The following GRID1 variants were observed in gnomAD, a reference collection of about 807,000 sequenced individuals.
The protein encoded by GRID1 is glutamate receptor ionotropic, delta-1.
Under a neutral mutation model 98.0 loss-of-function variants are expected in GRID1, and 28 were observed. That is an observed-to-expected ratio of 0.29 (90% CI 0.21 to 0.39). GRID1 has a LOEUF of 0.39. Ranked by LOEUF, GRID1 falls within the 10% of genes least tolerant of loss-of-function variation. The probability of loss-of-function intolerance (pLI) is 1.00; values close to 1 mark genes in which losing one functional copy is unlikely to be tolerated. For synonymous variants in GRID1, 553 were observed against 538.5 expected (o/e 1.03, Z -0.37); for missense variants, 1,111 against 1,340.5 (o/e 0.83, Z 2.67).
chr10:85,711,658 A>G (rs1841583090), intron 12 of GRID1, among the ~76,000 whole-genome samples: 1 of 151,882 alleles, frequency 6.6e-6, no homozygotes, highest in Non-Finnish European at 1.5e-5. Flanking sequence ...AAAAATTTAA[A>G]TCAGAATAAA....
chr10:86,362,526 CT>C (rs1382629304), intron 2 of GRID1, among the ~76,000 whole-genome samples: 8 of 152,190 alleles, frequency 5.3e-5, no homozygotes, highest in African/African-American at 1.4e-4. Context: ...CTCACCCCCC[CT>C]AAAAGAAAAC....
rs73338994 is a variant in GRID1, at chr10:85,627,823, C to T, written c.2194-7790G>A. Among the ~76,000 whole-genome samples, 1,100 of 152,308 alleles carry T rather than the reference C, an allele frequency of 7.2e-3. 19 individuals carry two copies. The highest frequency in any genetic ancestry group is 0.025 in the African/African-American group (1,038 of 41,568). ...CCTGGTACAGCATGAGGGCTCAACG[C>T]GAGTTCCGTTTCCTGCTCCTTCCTT... is the stretch of plus-strand genomic sequence containing the variant. On this transcript the variant is annotated intron_variant, in intron 13 of 15. Coordinates refer to ENST00000327946, the MANE Select transcript of GRID1 (RefSeq NM_017551.3).
Position 86,016,337 on chromosome 10 carries a change from G to A in GRID1, c.727-100098C>T, listed in dbSNP as rs926108610. Among the ~76,000 whole-genome samples the A allele has an allele frequency of 4.6e-5, 7 of 151,824 alleles. No individual in the cohort carries two copies. The South Asian group carries it at 8.4e-4, about 18-fold the overall frequency. On this transcript the variant is annotated intron_variant, in intron 4 of 15. Transcript: ENST00000327946. ...AATTTTTTGTATTTTTAGTAGAGACGGGGTTTCACCGTGTTAGCCAGGATG... is the reference window on the plus strand; with the variant it reads ...AATTTTTTGTATTTTTAGTAGAGACAGGGTTTCACCGTGTTAGCCAGGATG...
chr10:86,302,955 G>A (rs183645641), intron 2 of GRID1, among the ~76,000 whole-genome samples: 5 of 152,320 alleles, frequency 3.3e-5, no homozygotes, highest in East Asian at 3.9e-4. Context: ...ACAAACACTC[G>A]TCTAAATAGG....
At chr10:86,167,851 T>C (rs925409169) in intron 3 of GRID1, among the ~76,000 whole-genome samples, 3 of 151,708 alleles carry the variant, frequency 2.0e-5, no homozygotes, top group Non-Finnish European at 2.9e-5. Context: ...GAGACATCTG[T>C]GAGAAGAAGA....
chr10:85,675,228 A>G (rs1405127526), intron 12 of GRID1, among the ~76,000 whole-genome samples: 1 of 152,198 alleles, frequency 6.6e-6, no homozygotes, highest in Non-Finnish European at 1.5e-5. Context: ...CACACACGTG[A>G]GCTATGCAGC....
At chr10:86,188,432 T>C (rs1845755003) in intron 3 of GRID1, among the ~76,000 whole-genome samples, 1 of 152,156 alleles carries the variant, frequency 6.6e-6, no homozygotes, top group South Asian at 2.1e-4. Context: ...GCTAGGCCTG[T>C]CCTGTCCATA....
intron 4 of GRID1, among the ~76,000 whole-genome samples, chr10:86,039,429 C>T (rs1251253926): frequency 1.3e-5 from 2 of 152,228 alleles, no homozygotes; most frequent in Admixed American, 1.3e-4. Flanking sequence ...GGACCACTTG[C>T]TCCCTTTCCC....
intron 15 of GRID1, among the ~76,000 whole-genome samples, chr10:85,609,909 C>T (rs1289552319): frequency 6.6e-6 from 1 of 152,206 alleles, no homozygotes; most frequent in African/African-American, 2.4e-5. Context: ...TTGGTGCATT[C>T]ACCTGCATTG....
chr10:86,117,037 TCAC>T (rs1057474613), intron 4 of GRID1, among the ~76,000 whole-genome samples: 3 of 148,156 alleles, frequency 2.0e-5, no homozygotes, highest in African/African-American at 5.0e-5. Flanking sequence ...ACCATCACCA[TCAC>T]CACCATCACC....
At position 86,036,387 on chromosome 10, in the gene GRID1, C is replaced by A. The variant is rs536498867; in HGVS notation, c.726+102432G>T. On this transcript the variant is annotated intron_variant, in intron 4 of 15. Transcript: ENST00000327946. Reference sequence around the variant, plus strand: ...TGACAAAATCGAGCTTTGAGGCTATCAGTCCAAATGCCCAACCCTGCACCC... The same window carrying A: ...TGACAAAATCGAGCTTTGAGGCTATAAGTCCAAATGCCCAACCCTGCACCC... Among the ~76,000 whole-genome samples, 201 of 152,298 alleles carry A rather than the reference C, an allele frequency of 1.3e-3. 1 individual carries two copies. Among genetic ancestry groups the A allele is most frequent in the South Asian group, 3.1e-3 (15 of 4,832 alleles).
intron 12 of GRID1, among the ~76,000 whole-genome samples, chr10:85,684,300 GT>G (rs1841243869): frequency 6.6e-6 from 1 of 152,042 alleles, no homozygotes; most frequent in African/African-American, 2.4e-5. Context: ...TCTGATAAAG[GT>G]GATAAAAGAA....
chr10:85,893,517 A>G (rs1351183179), intron 5 of GRID1, among the ~76,000 whole-genome samples: 1 of 152,196 alleles, frequency 6.6e-6, no homozygotes, highest in East Asian at 1.9e-4. Context: ...TACCAGAACT[A>G]AGAAGTGAAT....
rs116994909 is a variant in GRID1, at chr10:85,914,579, G to A, written c.780+1607C>T. Among the ~76,000 whole-genome samples the A allele has an allele frequency of 2.0e-3, 298 of 152,238 alleles. 2 individuals are homozygous for A. The highest frequency in any genetic ancestry group is 3.3e-3 in the Non-Finnish European group (223 of 68,018). On this transcript the variant is annotated intron_variant, in intron 5 of 15. Transcript: ENST00000327946. ...GGACGGTTACTGCACGTCCCCAGCTGCCCTCTGTGGACATGGAGCTAATAA... is the reference window on the plus strand; with the variant it reads ...GGACGGTTACTGCACGTCCCCAGCTACCCTCTGTGGACATGGAGCTAATAA...
intron 8 of GRID1, among the ~76,000 whole-genome samples, chr10:85,852,895 G>A (rs143019138): frequency 1.3e-5 from 2 of 152,200 alleles, no homozygotes; most frequent in African/African-American, 2.4e-5. Context: ...GTTGCTAGCC[G>A]ACTCCCTCTA....
In GRID1 at chr10:86,169,847, G is replaced by A. The variant is rs541443544; in HGVS notation, c.521-30823C>T. On this transcript the variant is annotated intron_variant, in intron 3 of 15. Transcript: ENST00000327946. ...AGATTTACCGCTGAAACAGCCCAGCGGCAGCCCATGTGGCTCCACTGGGTC... is the reference window on the plus strand; with the variant it reads ...AGATTTACCGCTGAAACAGCCCAGCAGCAGCCCATGTGGCTCCACTGGGTC... 3.3e-5 allele frequency among the ~76,000 whole-genome samples: 5 copies of A among 152,270 alleles called. No individual in the cohort carries two copies. The East Asian group carries it at 5.8e-4, about 18-fold the overall frequency.
intron 4 of GRID1, among the ~76,000 whole-genome samples, chr10:86,118,905 T>A (rs1335583796): frequency 6.6e-6 from 1 of 152,040 alleles, no homozygotes; most frequent in Non-Finnish European, 1.5e-5. Flanking sequence ...AACATCAAGG[T>A]CATCAAAAGC....
intron 2 of GRID1, among the ~76,000 whole-genome samples, chr10:86,277,391 A>C (rs1226198587): frequency 6.6e-6 from 1 of 152,234 alleles, no homozygotes; most frequent in African/African-American, 2.4e-5. Flanking sequence ...TGCATGAAGG[A>C]ATAAATGCAA....
intron 8 of GRID1, among the ~76,000 whole-genome samples, chr10:85,790,848 A>C (rs1444225888): frequency 6.6e-6 from 1 of 152,162 alleles, no homozygotes; most frequent in Non-Finnish European, 1.5e-5. Context: ...TCCTGGCTGC[A>C]CAGGACCCTC....
Sources: allele counts gnomAD v4.1 joint callset (sites outside exome capture counted in the v4.1 genomes callset), GRCh38; gene constraint gnomAD v4.1.1; transcripts MANE v1.5; gene names NCBI Gene and HGNC (gene_info 2026-07-23, HGNC 2026-07-21).